The following SASH1 variants were observed in gnomAD, a reference collection of about 807,000 sequenced individuals.
SASH1 encodes SAM and SH3 domain-containing protein 1.
In SASH1, 44 loss-of-function variants were observed where a neutral mutation model predicts 125.2. The observed-to-expected ratio is 0.35, with a 90% CI of 0.28 to 0.45. The LOEUF (loss-of-function observed/expected upper bound fraction) is 0.45, where lower values mean the gene tolerates loss of function less well. SASH1 is among the 20% of genes least tolerant of loss of function. The pLI is 1.00. For synonymous variants in SASH1, 639 were observed against 649.1 expected (o/e 0.98, Z 0.24); for missense variants, 1,426 against 1,614.5 (o/e 0.88, Z 2.00).
chr6:148,387,641 TTTCTTTCTTTC>T, intron 1 of SASH1, among the ~76,000 whole-genome samples: 5 of 86,530 alleles, frequency 5.8e-5, no homozygotes, highest in Non-Finnish European at 1.2e-4. Flanking sequence ...TCTTTCTTTC[TTTCTTTCTTTC>T]TTTCTTTCTT....
chr6:148,306,644 C>A (rs1317922832), intron 1 of SASH1, among the ~76,000 whole-genome samples: 2 of 152,122 alleles, frequency 1.3e-5, no homozygotes, highest in African/African-American at 4.8e-5. Context: ...GCAGTCTTTC[C>A]CTCCTATTCG....
At chr6:148,473,019 T>C (rs1285506217) in intron 6 of SASH1, among the ~76,000 whole-genome samples, 1 of 152,146 alleles carries the variant, frequency 6.6e-6, no homozygotes, top group African/African-American at 2.4e-5. Flanking sequence ...GGCTCAGATA[T>C]ACCAGAGGCA....
intron 8 of SASH1, among the ~76,000 whole-genome samples, chr6:148,499,794 C>A (rs1490064765): frequency 2.6e-5 from 4 of 152,138 alleles, no homozygotes; most frequent in Non-Finnish European, 4.4e-5. Flanking sequence ...TGAAGCATTT[C>A]TCTCTCTCAG....
At chr6:148,385,773 A>G (rs1165735641) in intron 1 of SASH1, among the ~76,000 whole-genome samples, 1 of 152,208 alleles carries the variant, frequency 6.6e-6, no homozygotes, top group East Asian at 1.9e-4. Context: ...AGGGTGGAGC[A>G]TCTGGAAAGG....
At chr6:148,423,063 C>T (rs982820792) in intron 2 of SASH1, among the ~76,000 whole-genome samples, 7 of 152,096 alleles carry the variant, frequency 4.6e-5, no homozygotes, top group Non-Finnish European at 1.0e-4. Context: ...CTCAGCCTCC[C>T]GAGTAGCTGG....
the SASH1 span, among the ~76,000 whole-genome samples, chr6:148,213,531 TG>T: frequency 6.6e-6 from 1 of 151,268 alleles, no homozygotes; most frequent in African/African-American, 2.4e-5. Context: ...TGTGTGTGTG[TG>T]TTTAAAGTGT....
intron 1 of SASH1, among the ~76,000 whole-genome samples, chr6:148,322,112 A>T (rs1282318167): frequency 6.6e-6 from 1 of 152,132 alleles, no homozygotes; most frequent in Non-Finnish European, 1.5e-5. Context: ...GCACTTTGGG[A>T]GGCCGAGGCA....
intron 1 of SASH1, among the ~76,000 whole-genome samples, chr6:148,362,214 A>C (rs539856378): frequency 7.0e-6 from 1 of 143,878 alleles, no homozygotes; most frequent in Non-Finnish European, 1.5e-5. Context: ...GGCGTGAGCC[A>C]CCGTGCCTGG....
At position 148,326,345 on chromosome 6, in the gene SASH1, T is replaced by TGCATATATATATATATGC. The variant is rs1184848357; in HGVS notation, n.74+53968_74+53969insGCATATATATATATATGC. On this transcript the variant is annotated intron_variant and non_coding_transcript_variant, in intron 1 of 3. Transcript: ENST00000367469. ...ATGCATATATATATATATATATATA[T>TGCATATATATATATATGC]ATATATATATATGCATATATATATA... Among the ~76,000 whole-genome samples the TGCATATATATATATATGC allele has an allele frequency of 3.8e-4, 34 of 89,048 alleles. 1 individual carries two copies. The highest frequency in any genetic ancestry group is 6.4e-4 in the Non-Finnish European group (30 of 46,592). 58.4% of individuals were successfully genotyped at this position (89,048 alleles called of 152,430 possible).
At chr6:148,318,553 TC>T (rs1158331780) in intron 1 of SASH1, among the ~76,000 whole-genome samples, 13 of 106,778 alleles carry the variant, frequency 1.2e-4, no homozygotes, top group Non-Finnish European at 2.2e-4. Context: ...ACTACTAATT[TC>T]TTTTTTTTTT....
intron 1 of SASH1, among the ~76,000 whole-genome samples, chr6:148,315,898 T>C (rs34061058): frequency 0.15 from 22,559 of 152,084 alleles, 1,743 homozygotes; most frequent in Middle Eastern, 0.2. Flanking sequence ...ATCAAGACCC[T>C]GTGTCAAGGA....
chr6:148,246,708 A>G, the SASH1 span, among the ~76,000 whole-genome samples: 1 of 152,368 alleles, frequency 6.6e-6, no homozygotes. Flanking sequence ...ATGCTTGTAA[A>G]CAAACAGCTG....
intron 1 of SASH1, among the ~76,000 whole-genome samples, chr6:148,290,885 TA>T (rs58070477): frequency 0.021 from 2,913 of 138,706 alleles, 90 homozygotes; most frequent in African/African-American, 0.067. Flanking sequence ...AAAAAAAAGT[TA>T]AAAAAAAAAA....
the SASH1 span, among the ~76,000 whole-genome samples, chr6:148,226,068 T>C: frequency 1.3e-5 from 2 of 152,202 alleles, no homozygotes. Flanking sequence ...TAATGTATGA[T>C]TGTGGGAGAG....
chr6:148,258,630 A>G, the SASH1 span, among the ~76,000 whole-genome samples: 6 of 152,298 alleles, frequency 3.9e-5, no homozygotes, highest in Admixed American at 2.6e-4. Flanking sequence ...TGAAAAGGGA[A>G]CCACAGAAAT....
chr6:148,331,836 G>C (rs532620297), intron 1 of SASH1, among the ~76,000 whole-genome samples: 1 of 151,990 alleles, frequency 6.6e-6, no homozygotes, highest in East Asian at 1.9e-4. Flanking sequence ...GGACTACAGG[G>C]ACATGCTATA....
chr6:148,263,241 C>G, the SASH1 span, among the ~76,000 whole-genome samples: 7 of 152,318 alleles, frequency 4.6e-5, no homozygotes, highest in East Asian at 1.4e-3. Context: ...GGTGGCAGGA[C>G]AAGTTTCATG....
intron 8 of SASH1, among the ~76,000 whole-genome samples, chr6:148,500,426 T>C (rs1336218330): frequency 1.3e-5 from 2 of 152,214 alleles, no homozygotes; most frequent in Non-Finnish European, 2.9e-5. Context: ...GGGTAATTGG[T>C]AGAACATAGC....
At chr6:148,449,763 C>A (rs1297217390) in intron 4 of SASH1, among the ~76,000 whole-genome samples, 1 of 152,116 alleles carries the variant, frequency 6.6e-6, no homozygotes, top group Non-Finnish European at 1.5e-5. Context: ...AGAGCATGGC[C>A]CTGGCTTCCG....
Sources: gnomAD v4.1 joint callset for allele counts (sites outside exome capture counted in the v4.1 genomes callset) on GRCh38, gnomAD v4.1.1 for gene constraint, MANE v1.5 for transcripts, NCBI Gene and HGNC (gene_info 2026-07-23, HGNC 2026-07-21) for gene names.